Variants in ARID2 observed in about 807,000 individuals in gnomAD.
The protein encoded by ARID2 is AT-rich interactive domain-containing protein 2.
Under a neutral mutation model 184.6 loss-of-function variants are expected in ARID2, and 32 were observed. That is an observed-to-expected ratio of 0.17 (90% CI 0.13 to 0.23). The LOEUF (loss-of-function observed/expected upper bound fraction) is 0.23, where lower values mean the gene tolerates loss of function less well. Ranked by LOEUF, ARID2 falls within the 10% of genes least tolerant of loss-of-function variation. The pLI is 1.00. For synonymous variants in ARID2, 836 were observed against 772.6 expected, an observed-to-expected ratio of 1.08 and a Z score of -1.36; for missense variants, 1,696 against 2,197.6, an observed-to-expected ratio of 0.77 and a Z score of 4.56.
chr12:45,771,324 C>T (rs1057445482), intron 3 of ARID2, among the ~76,000 whole-genome samples: 1 of 148,510 alleles, frequency 6.7e-6, no homozygotes, highest in Admixed American at 6.7e-5. Flanking sequence ...TGCCACTGCA[C>T]TCCACCTGGG....
intron 5 of ARID2, among the ~76,000 whole-genome samples, chr12:45,818,749 A>G (rs1942850038): frequency 6.6e-6 from 1 of 152,044 alleles, no homozygotes; most frequent in African/African-American, 2.4e-5. Flanking sequence ...AAAAGAATTT[A>G]TTTCTCTGCA....
Position 45,851,814 on chromosome 12 carries a change from A to G in ARID2, c.3691A>G (p.Thr1231Ala), listed in dbSNP as rs145068183. The change falls in exon 15 of 21, where the codon ACT (threonine) becomes GCT (alanine). Residue 1231 changes from threonine to alanine, a missense_variant. Transcript: ENST00000334344. The stretch of plus-strand genomic sequence containing the variant: ...ATCTCCTGCTGGACAATCATCATGT[A>G]CTACTGCTACTCCCCCATTCAAAGG... ...QASPAGQSSC[T>A]TATPPFKGDK... The G allele has an allele frequency of 1.6e-5, 26 of 1,614,028 alleles. No individual in the cohort carries two copies. The highest frequency in any genetic ancestry group is 1.3e-4 in the African/African-American group (10 of 74,926).
intron 20 of ARID2, among the ~76,000 whole-genome samples, chr12:45,903,421 T>A (rs1448533954): frequency 1.3e-5 from 2 of 152,228 alleles, no homozygotes; most frequent in Non-Finnish European, 2.9e-5. Flanking sequence ...TCCAAAATGA[T>A]TTTATCAATT....
chr12:45,770,849 G>C (rs941724716), intron 3 of ARID2, among the ~76,000 whole-genome samples: 1 of 152,160 alleles, frequency 6.6e-6, no homozygotes. Context: ...CACCAAATGG[G>C]AAGACAGGTT....
chr12:45,804,129 G>C (rs763239517), intron 3 of ARID2, among the ~76,000 whole-genome samples: 1 of 152,146 alleles, frequency 6.6e-6, no homozygotes, highest in African/African-American at 2.4e-5. Flanking sequence ...TACTGTTGTG[G>C]CTGAAGTTGG....
chr12:45,844,000 A>C (rs1943398458), intron 11 of ARID2, among the ~76,000 whole-genome samples: 1 of 152,156 alleles, frequency 6.6e-6, no homozygotes, highest in Admixed American at 6.6e-5. Context: ...GAATGAAATA[A>C]AATACCACCA....
intron 4 of ARID2, among the ~76,000 whole-genome samples, chr12:45,813,217 A>G (rs1487829448): frequency 6.6e-6 from 1 of 152,118 alleles, no homozygotes; most frequent in Admixed American, 6.5e-5. Context: ...AGAGGAAGAA[A>G]CTGGGAACTG....
intron 15 of ARID2, among the ~76,000 whole-genome samples, chr12:45,859,340 G>C (rs1025152740): frequency 2.6e-5 from 4 of 152,126 alleles, no homozygotes; most frequent in Non-Finnish European, 4.4e-5. Flanking sequence ...ATTCCATATA[G>C]CCTAGGTATG....
intron 3 of ARID2, among the ~76,000 whole-genome samples, chr12:45,767,874 T>C (rs1327669166): frequency 1.3e-5 from 2 of 152,200 alleles, no homozygotes; most frequent in Non-Finnish European, 2.9e-5. Flanking sequence ...ACATTTGAGC[T>C]ATACATTTAG....
chr12:45,770,348 A>G (rs957342458), intron 3 of ARID2, among the ~76,000 whole-genome samples: 6 of 152,178 alleles, frequency 3.9e-5, no homozygotes, highest in East Asian at 3.8e-4. Context: ...ATGCCTTACA[A>G]TGACACAGGA....
chr12:45,886,863 G>T (rs1481507048), intron 16 of ARID2, among the ~76,000 whole-genome samples: 1 of 152,228 alleles, frequency 6.6e-6, no homozygotes, highest in Non-Finnish European at 1.5e-5. Context: ...CAGCATGGGG[G>T]CCTGGGGCTG....
chr12:45,794,544 G>A lies in ARID2; in HGVS notation c.285-16874G>A, dbSNP rs1293851179. On this transcript the variant is annotated intron_variant, in intron 3 of 20. Transcript: ENST00000334344. ...TCAGACAAATAGGTCATCATAGGAG[G>A]AGTAGACCTGGACTCAGCGTTAGGA... 2.6e-5 allele frequency among the ~76,000 whole-genome samples: 4 copies of A among 152,264 alleles called. No individual in the cohort carries two copies. In the East Asian group the frequency reaches 7.7e-4, roughly 29 times the overall value.
intron 3 of ARID2, among the ~76,000 whole-genome samples, chr12:45,761,752 G>A (rs1419181450): frequency 6.6e-6 from 1 of 151,514 alleles, no homozygotes; most frequent in Non-Finnish European, 1.5e-5. Flanking sequence ...ATTTCAATCT[G>A]AGATTTCATA....
intron 6 of ARID2, among the ~76,000 whole-genome samples, chr12:45,831,660 C>T (rs1018111855): frequency 1.3e-5 from 2 of 152,164 alleles, no homozygotes; most frequent in Non-Finnish European, 2.9e-5. Context: ...TCCTACTTTG[C>T]CCCAGCCTCT....
intron 16 of ARID2, among the ~76,000 whole-genome samples, chr12:45,888,465 G>T (rs942991782): frequency 6.6e-6 from 1 of 152,180 alleles, no homozygotes; most frequent in Non-Finnish European, 1.5e-5. Context: ...TAACTTGAAG[G>T]TGGACCAAAC....
chr12:45,835,435 G>C (rs1221428924), intron 6 of ARID2, among the ~76,000 whole-genome samples: 1 of 151,814 alleles, frequency 6.6e-6, no homozygotes, highest in Non-Finnish European at 1.5e-5. Context: ...TTTCTTTGAT[G>C]ATCACATGAA....
At chr12:45,776,884 G>C (rs1265717607) in intron 3 of ARID2, among the ~76,000 whole-genome samples, 2 of 148,938 alleles carry the variant, frequency 1.3e-5, no homozygotes, top group African/African-American at 5.0e-5. Flanking sequence ...CCAGGTTCAA[G>C]CAATTCTTGT....
intron 3 of ARID2, among the ~76,000 whole-genome samples, chr12:45,767,910 C>G (rs534081066): frequency 3.9e-5 from 6 of 152,278 alleles, no homozygotes; most frequent in African/African-American, 1.4e-4. Context: ...TTCAACAGGA[C>G]AGCATGAGTC....
At chr12:45,847,885 A>G (rs1461502712) in intron 12 of ARID2, among the ~76,000 whole-genome samples, 1 of 152,036 alleles carries the variant, frequency 6.6e-6, no homozygotes, top group Admixed American at 6.6e-5. Flanking sequence ...TTTTCCAGTA[A>G]TATTTGGAAA....
Sources: allele counts gnomAD v4.1 joint callset (sites outside exome capture counted in the v4.1 genomes callset), GRCh38; gene constraint gnomAD v4.1.1; transcripts MANE v1.5; gene names NCBI Gene and HGNC (gene_info 2026-07-23, HGNC 2026-07-21).